Variants in VEZT observed in about 807,000 individuals in gnomAD.
VEZT encodes the protein vezatin, adherens junctions transmembrane protein, also known as vezatin.
VEZT carries 39 observed loss-of-function variants against 79.9 expected under a neutral mutation model. The ratio of observed to expected loss-of-function variants is 0.49; its 90% CI spans 0.38 to 0.64. The LOEUF (loss-of-function observed/expected upper bound fraction) is 0.64, where lower values mean the gene tolerates loss of function less well. VEZT is among the 30% of genes least tolerant of loss of function. The probability of loss-of-function intolerance (pLI) is 0.00; values close to 1 mark genes in which losing one functional copy is unlikely to be tolerated. For missense variants in VEZT, 837 were observed against 893.1 expected (o/e 0.94, Z 0.80); for synonymous variants, 325 against 327.6 (o/e 0.99, Z 0.09).
intron 7 of VEZT, among the ~76,000 whole-genome samples, chr12:95,282,046 T>C (rs1308776261): frequency 6.6e-6 from 1 of 152,072 alleles, no homozygotes. Context: ...CTAAATTATC[T>C]CATTCCATCA....
chr12:95,296,115 A>C lies in VEZT; in HGVS notation c.1688A>C (p.Tyr563Ser). The change falls in exon 11 of 12, where the codon TAC becomes TCC. Residue 563 changes from tyrosine (Y) to serine (S), a missense_variant. By Grantham distance (144) the Tyr-to-Ser change is moderately radical. Transcript: ENST00000436874. ...GATTTCAGAAAGGATGATTTTTATT[A>C]CTTGTCTCAAGAAGACAAAGAGAGA... The part of the protein sequence containing the change: ...DSDFRKDDFY[Y>S]LSQEDKERQK... 2 of 1,561,396 alleles carry C rather than the reference A, an allele frequency of 1.3e-6. No individual in the cohort carries two copies. Among genetic ancestry groups the C allele is most frequent in the Non-Finnish European group, 1.7e-6 (2 of 1,151,392 alleles).
intron 9 of VEZT, among the ~76,000 whole-genome samples, chr12:95,289,093 T>TAAAAAAA (rs1381441339): frequency 1.9e-5 from 2 of 107,638 alleles, no homozygotes; most frequent in Admixed American, 9.6e-5. Context: ...AAAAAAAAAA[T>TAAAAAAA]AAATAAATAA....
intron 6 of VEZT, among the ~76,000 whole-genome samples, 199 bp downstream of exon 6, chr12:95,270,387 C>A (rs904353235): frequency 6.6e-6 from 1 of 152,136 alleles, no homozygotes; most frequent in Non-Finnish European, 1.5e-5. Context: ...AAGTTCTGTT[C>A]TTCTGTGACT....
rs2075123014 is a variant in VEZT at position 95,300,766 on chromosome 12, T to C, written c.*93T>C. 7.1e-7 allele frequency: 1 copy of C among 1,417,710 alleles called. No individual in the cohort carries two copies. Among genetic ancestry groups the C allele is most frequent in the Non-Finnish European group, 9.2e-7 (1 of 1,088,390 alleles). The allele number at this position is 1,417,710 out of a possible 1,614,324, so 87.8% of individuals were successfully genotyped here. A position where few individuals can be genotyped will look rare whatever the true frequency, so the allele number is the denominator to read the frequency against. ...AAAGGGAATATGAGTGTAAGTTTAC[T>C]ATATATAAAGCTAAGATGTGGATTT... On this transcript the variant is annotated 3_prime_UTR_variant, in exon 12 of 12. Transcript: ENST00000436874.
At chr12:95,235,686 C>G (rs1294721061) in intron 1 of VEZT, among the ~76,000 whole-genome samples, 1 of 150,566 alleles carries the variant, frequency 6.6e-6, no homozygotes, top group Non-Finnish European at 1.5e-5. Context: ...CCACCTCCCT[C>G]CCGGACGGGG....
At chr12:95,247,510 GT>G (rs1215343410) in intron 1 of VEZT, among the ~76,000 whole-genome samples, 1 of 151,938 alleles carries the variant, frequency 6.6e-6, no homozygotes, top group East Asian at 1.9e-4. Flanking sequence ...AACATATGTT[GT>G]TTAACATTGT....
chr12:95,226,461 A>G (rs1340753038), intron 1 of VEZT, among the ~76,000 whole-genome samples: 2 of 152,036 alleles, frequency 1.3e-5, no homozygotes, highest in African/African-American at 4.8e-5. Flanking sequence ...GATAGAAATC[A>G]GAGTCATTCA....
At chr12:95,284,710 A>G (rs1400903789) in intron 8 of VEZT, among the ~76,000 whole-genome samples, 1 of 152,184 alleles carries the variant, frequency 6.6e-6, no homozygotes, top group Non-Finnish European at 1.5e-5. Flanking sequence ...TTTTGCCATT[A>G]AAAGTAAGGG....
chr12:95,245,962 G>A (rs759989905), intron 1 of VEZT, among the ~76,000 whole-genome samples: 2 of 152,216 alleles, frequency 1.3e-5, no homozygotes, highest in Non-Finnish European at 2.9e-5. Context: ...CTGGGTGACA[G>A]AGAAAGACCC....
intron 1 of VEZT, among the ~76,000 whole-genome samples, chr12:95,235,818 A>T (rs1479605185): frequency 2.0e-5 from 3 of 149,946 alleles, no homozygotes; most frequent in Non-Finnish European, 3.0e-5. Flanking sequence ...CACTTCTCAG[A>T]CGGGGCGGCT....
rs577247459 is a variant in VEZT at position 95,220,745 on chromosome 12, A to G, written c.36+2859A>G. Among the ~76,000 whole-genome samples, 3 of 152,228 alleles carry G rather than the reference A, an allele frequency of 2.0e-5. No homozygotes were observed. The East Asian group carries it at 5.8e-4, about 29-fold the overall frequency. ...TCCATGTGAATATATGATCATTTTT[A>G]AATTCATTCTTCTATTAATGGTCAT... On this transcript the variant is annotated intron_variant, in intron 1 of 11. Transcript: ENST00000436874.
At chr12:95,234,663 TTTTATTTA>T (rs548122414) in intron 1 of VEZT, among the ~76,000 whole-genome samples, 57 of 152,146 alleles carry the variant, frequency 3.7e-4, no homozygotes, top group Non-Finnish European at 8.1e-4. Flanking sequence ...TTTTTTTGTT[TTTTATTTA>T]TTTATTTATT....
At chr12:95,274,389 C>T (rs995107480) in intron 6 of VEZT, among the ~76,000 whole-genome samples, 4 of 152,188 alleles carry the variant, frequency 2.6e-5, no homozygotes, top group African/African-American at 9.7e-5. Context: ...TTGCTTGAAC[C>T]TGAAAGGCCG....
At chr12:95,229,257 A>G (rs527879292) in intron 1 of VEZT, among the ~76,000 whole-genome samples, 8 of 152,248 alleles carry the variant, frequency 5.3e-5, no homozygotes, top group Admixed American at 5.2e-4. Flanking sequence ...TGTATTTTTT[A>G]TTGCATTTAT....
At chr12:95,297,763 A>C (rs4417384) in intron 11 of VEZT, among the ~76,000 whole-genome samples, 43,457 of 152,042 alleles carry the variant, frequency 0.29, 7,116 homozygotes, top group African/African-American at 0.45. Flanking sequence ...TTTACTATAG[A>C]TATCTTCTTA....
At position 95,267,041 on chromosome 12, in the gene VEZT, G is replaced by A. The variant is rs1278129474; in HGVS notation, c.710+409G>A. Reference sequence around the variant, plus strand: ...CTATAAATGCATTTTGAAAACTCTTGACATGTACTAATAACTGTTCAGGTA... The same window carrying A: ...CTATAAATGCATTTTGAAAACTCTTAACATGTACTAATAACTGTTCAGGTA... On this transcript the variant is annotated intron_variant, in intron 5 of 11. Transcript: ENST00000436874. Among the ~76,000 whole-genome samples, 5 of 152,082 alleles carry A rather than the reference G, an allele frequency of 3.3e-5. No homozygotes were observed. In the East Asian group the frequency reaches 9.6e-4, roughly 29 times the overall value.
chr12:95,230,115 A>C (rs927074926), intron 1 of VEZT, among the ~76,000 whole-genome samples: 2 of 151,804 alleles, frequency 1.3e-5, no homozygotes, highest in Non-Finnish European at 2.9e-5. Flanking sequence ...AAAAAAAAAA[A>C]AAAAAAAACG....
chr12:95,222,708 C>T (rs891733971), intron 1 of VEZT, among the ~76,000 whole-genome samples: 19 of 152,034 alleles, frequency 1.2e-4, no homozygotes, highest in Non-Finnish European at 2.4e-4. Flanking sequence ...TAAAAAAACC[C>T]TACTGAGACT....
chr12:95,266,010 A>G (rs1188755882), intron 4 of VEZT, among the ~76,000 whole-genome samples: 1 of 152,170 alleles, frequency 6.6e-6, no homozygotes, highest in African/African-American at 2.4e-5. Flanking sequence ...TAGGAAATGT[A>G]GAGGCCTTTT....
Sources: gnomAD v4.1 joint callset for allele counts (sites outside exome capture counted in the v4.1 genomes callset) on GRCh38, gnomAD v4.1.1 for gene constraint, MANE v1.5 for transcripts, NCBI Gene and HGNC (gene_info 2026-07-23, HGNC 2026-07-21) for gene names.